The following UMAD1 variants were observed in gnomAD, a reference collection of about 807,000 sequenced individuals.
The protein encoded by UMAD1 is UBAP1-MVB12-associated (UMA)-domain containing protein 1.
In UMAD1, 8 loss-of-function variants were observed where a neutral mutation model predicts 6.1. The observed-to-expected ratio is 1.30, with a 90% CI of 0.76 to 2.35. The LOEUF is 2.35. Ranked by LOEUF, UMAD1 falls within the 30% of genes most tolerant of loss-of-function variation. The probability of loss-of-function intolerance (pLI) is 0.00; values close to 1 mark genes in which losing one functional copy is unlikely to be tolerated. For synonymous variants in UMAD1, 56 were observed against 31.4 expected, an observed-to-expected ratio of 1.78 and a Z score of -2.61; for missense variants, 130 against 78.4, an observed-to-expected ratio of 1.66 and a Z score of -2.49.
chr7:7,698,482 C>T (rs1780370613), intron 2 of UMAD1, among the ~76,000 whole-genome samples: 2 of 152,190 alleles, frequency 1.3e-5, no homozygotes, highest in South Asian at 4.1e-4. Context: ...AGAACCAGAT[C>T]CACCTGATTT....
At chr7:7,865,514 C>A (rs185289849) in intron 3 of UMAD1, among the ~76,000 whole-genome samples, 1 of 152,260 alleles carries the variant, frequency 6.6e-6, no homozygotes, top group Admixed American at 6.5e-5. Context: ...AGAAAAAAAT[C>A]CCTGTTTATG....
At chr7:7,816,264 C>A (rs1195986066) in intron 3 of UMAD1, among the ~76,000 whole-genome samples, 1 of 152,176 alleles carries the variant, frequency 6.6e-6, no homozygotes, top group Non-Finnish European at 1.5e-5. Flanking sequence ...TGCTTTGCAT[C>A]GTGTTGTTTT....
intron 2 of UMAD1, among the ~76,000 whole-genome samples, chr7:7,709,737 G>GCTCTTGCT (rs1780703711): frequency 1.3e-5 from 2 of 151,852 alleles, no homozygotes; most frequent in South Asian, 4.2e-4. Context: ...ATTATTCTTA[G>GCTCTTGCT]CTCTTGCTTA....
In UMAD1 at chr7:7,835,316, A is replaced by G. The variant is rs867287528; in HGVS notation, c.156+33573A>G. Among the ~76,000 whole-genome samples, 41 of 151,162 alleles carry G rather than the reference A, an allele frequency of 2.7e-4. 1 individual carries two copies. Among genetic ancestry groups the G allele is most frequent in the Non-Finnish European group, 5.9e-5 (4 of 67,860 alleles). On this transcript the variant is annotated intron_variant, in intron 3 of 3. Transcript: ENST00000682710. ...GGTTTTATCTTTTATCAACAGCAAA[A>G]ATGTCTTTATGTATTCTAAAAGCAT...
At chr7:7,814,219 T>G (rs550735520) in intron 3 of UMAD1, among the ~76,000 whole-genome samples, 1 of 152,212 alleles carries the variant, frequency 6.6e-6, no homozygotes, top group South Asian at 2.1e-4. Flanking sequence ...CTCTTGACTT[T>G]GTGATCCGCC....
chr7:7,754,227 T>C (rs1345393699), intron 2 of UMAD1, among the ~76,000 whole-genome samples: 1 of 151,832 alleles, frequency 6.6e-6, no homozygotes, highest in Non-Finnish European at 1.5e-5. Flanking sequence ...AAAAAAACAG[T>C]GTACAGGGGT....
chr7:7,737,612 G>A lies in UMAD1; in HGVS notation c.83-64058G>A, dbSNP rs1368154298. On this transcript the variant is annotated intron_variant, in intron 2 of 3. Coordinates refer to ENST00000682710, the MANE Select transcript of UMAD1 (RefSeq NM_001302348.2). ...ATTCATTTCACCTATGACAGTTTAT[G>A]TATTTTGGGGGACAGCAGTGGTTGT... 2.0e-5 allele frequency among the ~76,000 whole-genome samples: 3 copies of A among 152,186 alleles called. No homozygotes were observed. In the East Asian group the frequency reaches 5.8e-4, roughly 29 times the overall value.
At chr7:7,764,074 T>C (rs1328382141) in intron 2 of UMAD1, among the ~76,000 whole-genome samples, 2 of 152,286 alleles carry the variant, frequency 1.3e-5, no homozygotes, top group East Asian at 3.9e-4. Flanking sequence ...CTGAAATAGA[T>C]ATTTAATGAG....
chr7:7,641,863 T>A (rs1471881041), intron 1 of UMAD1, among the ~76,000 whole-genome samples: 1 of 152,170 alleles, frequency 6.6e-6, no homozygotes, highest in African/African-American at 2.4e-5. Context: ...AAGATTGGAA[T>A]CTCATGTACG....
intron 1 of UMAD1, among the ~76,000 whole-genome samples, chr7:7,650,948 G>A (rs1785211179): frequency 6.6e-6 from 1 of 152,072 alleles, no homozygotes; most frequent in Admixed American, 6.6e-5. Flanking sequence ...CAGATTTGTT[G>A]TACTCAGGAA....
At chr7:7,858,419 T>A (rs911470157) in intron 3 of UMAD1, among the ~76,000 whole-genome samples, 1 of 152,138 alleles carries the variant, frequency 6.6e-6, no homozygotes, top group Non-Finnish European at 1.5e-5. Flanking sequence ...AAAAGCTCTG[T>A]TGGGCTGTAA....
rs150247885 is a variant in UMAD1, at chr7:7,825,783, C to G, written c.156+24040C>G. On this transcript the variant is annotated intron_variant, in intron 3 of 3. Coordinates refer to ENST00000682710, the MANE Select transcript of UMAD1 (RefSeq NM_001302348.2). ...AAAGCTGAGGACCTTTTAATCACCA[C>G]TCAAATAGGATTCCCTAGATTGTGC... Among the ~76,000 whole-genome samples, 1,128 of 152,256 alleles carry G rather than the reference C, an allele frequency of 7.4e-3. 12 individuals are homozygous for G. The highest frequency in any genetic ancestry group is 0.026 in the African/African-American group (1,075 of 41,550).
At chr7:7,653,457 G>C (rs1168153218) in intron 1 of UMAD1, among the ~76,000 whole-genome samples, 1 of 152,106 alleles carries the variant, frequency 6.6e-6, no homozygotes, top group African/African-American at 2.4e-5. Context: ...ATGCTAGTTA[G>C]CATCCTTCTT....
At chr7:7,676,796 G>A (rs1313535410) in intron 2 of UMAD1, among the ~76,000 whole-genome samples, 1 of 152,096 alleles carries the variant, frequency 6.6e-6, no homozygotes, top group Non-Finnish European at 1.5e-5. Context: ...TCCTTCAGTG[G>A]TGAAGAACTT....
chr7:7,847,205 C>T (rs144922574), intron 3 of UMAD1, among the ~76,000 whole-genome samples: 2,017 of 133,678 alleles, frequency 0.015, 43 homozygotes, highest in Admixed American at 0.044. Context: ...GACCAATGAA[C>T]ATGGTTTGCC....
chr7:7,804,091 C>G (rs1220270860), intron 3 of UMAD1, among the ~76,000 whole-genome samples: 1 of 152,140 alleles, frequency 6.6e-6, no homozygotes, highest in African/African-American at 2.4e-5. Context: ...ATCATTAAGG[C>G]TGGATGTACA....
chr7:7,673,238 C>T (rs1359347757), intron 1 of UMAD1, 71 bp from the exon 2 acceptor site: 1 of 939,438 alleles, frequency 1.1e-6, no homozygotes, highest in African/African-American at 1.6e-5. Context: ...TTATGCTGAA[C>T]TTTTTGCTAA....
At chr7:7,642,954 T>C (rs572989968) in intron 1 of UMAD1, among the ~76,000 whole-genome samples, 1 of 152,230 alleles carries the variant, frequency 6.6e-6, no homozygotes, top group Non-Finnish European at 1.5e-5. Context: ...GTATGTATCT[T>C]CTGACTTCTT....
intron 3 of UMAD1, among the ~76,000 whole-genome samples, chr7:7,851,665 A>G (rs934656639): frequency 6.6e-6 from 1 of 152,030 alleles, no homozygotes; most frequent in Non-Finnish European, 1.5e-5. Flanking sequence ...TAATATGCTT[A>G]TTGGGCTTTT....
Sources: gnomAD v4.1 joint callset for allele counts (sites outside exome capture counted in the v4.1 genomes callset) on GRCh38, gnomAD v4.1.1 for gene constraint, MANE v1.5 for transcripts, NCBI Gene and HGNC (gene_info 2026-07-23, HGNC 2026-07-21) for gene names.